Variants in PRKN observed in about 807,000 individuals in gnomAD.
PRKN encodes the protein parkin RBR E3 ubiquitin protein ligase.
PRKN carries 56 observed loss-of-function variants against 59.5 expected under a neutral mutation model. The ratio of observed to expected loss-of-function variants is 0.94; its 90% CI spans 0.76 to 1.18. The LOEUF is 1.18. Ranked by LOEUF, PRKN falls within the 50% of genes most tolerant of loss-of-function variation. The pLI is 0.00. For synonymous variants in PRKN, 250 were observed against 222.1 expected (o/e 1.13, Z -1.12); for missense variants, 657 against 596.4 (o/e 1.10, Z -1.06).
rs148635145 is a variant in PRKN, at chr6:162,504,567, T to C, written c.8-61094A>G. Among the ~76,000 whole-genome samples, 475 of 152,212 alleles carry C rather than the reference T, an allele frequency of 3.1e-3. 2 individuals carry two copies. Among genetic ancestry groups the C allele is most frequent in the Non-Finnish European group, 5.6e-3 (378 of 68,016 alleles). On this transcript the variant is annotated intron_variant, in intron 1 of 11. Transcript: ENST00000366898. Reference sequence around the variant, plus strand: ...AGCATTCTGTATTAGTAGGGAAGGATAGAGTCCTATATAAATGAGACCTAA... The same window carrying C: ...AGCATTCTGTATTAGTAGGGAAGGACAGAGTCCTATATAAATGAGACCTAA...
intron 6 of PRKN, among the ~76,000 whole-genome samples, chr6:161,845,082 G>A (rs910558517): frequency 2.0e-5 from 3 of 152,238 alleles, no homozygotes; most frequent in Admixed American, 6.5e-5. Flanking sequence ...ATAAGTGGTA[G>A]AGTCAGAACT....
At chr6:162,353,779 G>A (rs537976330) in intron 2 of PRKN, among the ~76,000 whole-genome samples, 1 of 152,242 alleles carries the variant, frequency 6.6e-6, no homozygotes, top group South Asian at 2.1e-4. Flanking sequence ...AAGTTGTAGT[G>A]TCCTCATCTG....
At chr6:161,685,102 T>C (rs1421749417) in intron 7 of PRKN, among the ~76,000 whole-genome samples, 1 of 152,252 alleles carries the variant, frequency 6.6e-6, no homozygotes, top group African/African-American at 2.4e-5. Context: ...TATGTTCTAA[T>C]GTAAAAATAT....
At chr6:162,314,994 G>A (rs1349488098) in intron 2 of PRKN, among the ~76,000 whole-genome samples, 2 of 152,154 alleles carry the variant, frequency 1.3e-5, no homozygotes, top group Admixed American at 6.5e-5. Flanking sequence ...AGGGTTTCAT[G>A]TGGTAATATT....
At chr6:162,253,015 T>C (rs1779498776) in intron 3 of PRKN, among the ~76,000 whole-genome samples, 1 of 152,254 alleles carries the variant, frequency 6.6e-6, no homozygotes, top group South Asian at 2.1e-4. Context: ...TCCTGGAGCC[T>C]GCCTTCCAGC....
rs1475082129 is a variant in PRKN, at chr6:161,373,952, G to C, written c.1167+12842C>G. ...GCTGGGCCACTATGCAGGCGTGGCT[G>C]GGGTGCCTTTCAAAGTGGCGTTCAC... On this transcript the variant is annotated intron_variant, in intron 10 of 11. Transcript: ENST00000366898. This position sits in a 1 kb window ranked among gnomAD's most constrained non-coding sequence, Gnocchi z 4.8. Among the ~76,000 whole-genome samples the C allele has an allele frequency of 2.0e-5, 3 of 152,130 alleles. No individual in the cohort carries two copies. Among genetic ancestry groups the C allele is most frequent in the African/African-American group, 7.2e-5 (3 of 41,428 alleles).
At position 161,480,843 on chromosome 6, in the gene PRKN, A is replaced by G. The variant is rs936228511; in HGVS notation, c.1083+68011T>C. ...AGGCACCGCTTTTAATTTCATTGCT[A>G]TAACTAATTAGCATTAGAGAAACCA... On this transcript the variant is annotated intron_variant, in intron 9 of 11. Transcript: ENST00000366898. The surrounding 1 kb of genome is among the most constrained non-coding windows in gnomAD (Gnocchi z 4.1). 7.2e-5 allele frequency among the ~76,000 whole-genome samples: 11 copies of G among 152,368 alleles called. No individual in the cohort carries two copies. The highest frequency in any genetic ancestry group is 1.9e-4 in the African/African-American group (8 of 41,578).
chr6:161,557,719 G>A (rs866891822), intron 8 of PRKN, among the ~76,000 whole-genome samples: 6 of 152,188 alleles, frequency 3.9e-5, no homozygotes, highest in African/African-American at 9.6e-5. Flanking sequence ...ACAGGGATCC[G>A]AGGTAAAACT....
chr6:161,435,001 C>G lies in PRKN; in HGVS notation c.1084-48124G>C, dbSNP rs577179137. Among the ~76,000 whole-genome samples, 234 of 152,228 alleles carry G rather than the reference C, an allele frequency of 1.5e-3. 1 individual carries two copies. The highest frequency in any genetic ancestry group is 5.5e-3 in the African/African-American group (229 of 41,522). On this transcript the variant is annotated intron_variant, in intron 9 of 11. Coordinates refer to ENST00000366898, the MANE Select transcript of PRKN (RefSeq NM_004562.3). ...CTGAAATTTACTGAAAGCCTTTGCC[C>G]GGCATGATCTTGCTCTCTTGTGCTC...
intron 4 of PRKN, among the ~76,000 whole-genome samples, chr6:162,110,663 C>T (rs1441261441): frequency 1.3e-5 from 2 of 152,130 alleles, no homozygotes. Context: ...CACATCTTGT[C>T]TACTAATTGC....
chr6:161,970,123 C>G (rs1780744556), intron 6 of PRKN, among the ~76,000 whole-genome samples: 1 of 151,992 alleles, frequency 6.6e-6, no homozygotes, highest in African/African-American at 2.4e-5. Flanking sequence ...CTCAATGCAG[C>G]CTTGACCTCC....
rs1242942974 is a variant in PRKN at position 161,390,133 on chromosome 6, G to A, written c.1084-3256C>T. On this transcript the variant is annotated intron_variant, in intron 9 of 11. Coordinates refer to ENST00000366898, the MANE Select transcript of PRKN (RefSeq NM_004562.3). This position sits in a 1 kb window ranked among gnomAD's most constrained non-coding sequence, Gnocchi z 7.0. ...CTTCCCAATTAAGTAACATGAATCTGTCTCATGTGCAATGTAGAAGGTCTG... is the reference window on the plus strand; with the variant it reads ...CTTCCCAATTAAGTAACATGAATCTATCTCATGTGCAATGTAGAAGGTCTG... Among the ~76,000 whole-genome samples the A allele has an allele frequency of 6.6e-6, 1 of 152,188 alleles. No homozygotes were observed. Among genetic ancestry groups the A allele is most frequent in the Non-Finnish European group, 1.5e-5 (1 of 68,028 alleles).
At chr6:161,706,981 C>T (rs1377776955) in intron 7 of PRKN, among the ~76,000 whole-genome samples, 10 of 152,032 alleles carry the variant, frequency 6.6e-5, no homozygotes, top group Admixed American at 1.3e-4. Context: ...AAAGCGATAT[C>T]GAAAAACTTT....
chr6:162,505,619 T>G (rs964191135), intron 1 of PRKN, among the ~76,000 whole-genome samples: 1 of 152,112 alleles, frequency 6.6e-6, no homozygotes. Context: ...CAAAAGCAAC[T>G]ATACAATACA....
At chr6:162,705,183 C>T (rs917516915) in intron 1 of PRKN, among the ~76,000 whole-genome samples, 13 of 152,170 alleles carry the variant, frequency 8.5e-5, no homozygotes, top group Admixed American at 6.5e-4. Context: ...CAGACAGACA[C>T]AAATTGGTTG....
At chr6:162,339,275 C>T (rs1449476382) in intron 2 of PRKN, among the ~76,000 whole-genome samples, 2 of 145,384 alleles carry the variant, frequency 1.4e-5, no homozygotes, top group African/African-American at 2.5e-5. Context: ...CCAGCCGCCC[C>T]GTCCGGGAGG....
At chr6:161,840,899 T>C (rs1792957937) in intron 6 of PRKN, among the ~76,000 whole-genome samples, 1 of 151,666 alleles carries the variant, frequency 6.6e-6, no homozygotes, top group Admixed American at 6.6e-5. Flanking sequence ...ATGGCTATTA[T>C]TAAAAAGTCA....
intron 3 of PRKN, among the ~76,000 whole-genome samples, chr6:162,236,017 G>GAA (rs201254717): frequency 0.014 from 2,099 of 149,368 alleles, 34 homozygotes; most frequent in East Asian, 0.048. Flanking sequence ...AAGAAAGAAA[G>GAA]AAAGAAACTC....
intron 4 of PRKN, among the ~76,000 whole-genome samples, chr6:162,167,796 G>C (rs1248155467): frequency 6.6e-6 from 1 of 152,140 alleles, no homozygotes; most frequent in Non-Finnish European, 1.5e-5. Context: ...CCTAGACTTT[G>C]AGGTTTGTAA....
Sources: gnomAD v4.1 joint callset for allele counts (sites outside exome capture counted in the v4.1 genomes callset) on GRCh38, gnomAD v4.1.1 for gene constraint, Gnocchi (gnomAD v3.1) non-coding constraint, MANE v1.5 for transcripts, NCBI Gene and HGNC (gene_info 2026-07-23, HGNC 2026-07-21) for gene names.